Variants in ARPC1B observed in about 807,000 individuals in gnomAD.
ARPC1B encodes the protein actin related protein 2/3 complex subunit 1B, also known as actin-related protein 2/3 complex subunit 1B.
In ARPC1B, 29 loss-of-function variants were observed where a neutral mutation model predicts 46.0. The observed-to-expected ratio is 0.63, with a 90% CI of 0.47 to 0.86. The LOEUF (loss-of-function observed/expected upper bound fraction) is 0.86, where lower values mean the gene tolerates loss of function less well. Ranked by LOEUF, ARPC1B falls within the 40% of genes least tolerant of loss-of-function variation. ARPC1B has a pLI of 0.00. For missense variants in ARPC1B, 469 were observed against 529.4 expected, an observed-to-expected ratio of 0.89 and a Z score of 1.12; for synonymous variants, 201 against 213.9, an observed-to-expected ratio of 0.94 and a Z score of 0.53.
intron 1 of ARPC1B, among the ~76,000 whole-genome samples, chr7:99,384,565 C>T (rs1272079899): frequency 6.6e-6 from 1 of 152,226 alleles, no homozygotes; most frequent in Non-Finnish European, 1.5e-5. Context: ...AAAAATCTCC[C>T]TCCTTCAGTT....
chr7:99,387,803 G>A (rs950176891), intron 3 of ARPC1B, among the ~76,000 whole-genome samples: 2 of 150,878 alleles, frequency 1.3e-5, no homozygotes, highest in African/African-American at 4.9e-5. Flanking sequence ...AGGAGGCTGA[G>A]GCACGAGGAT....
At chr7:99,386,467 C>G (rs1794394161) in intron 2 of ARPC1B, 2 of 639,414 alleles carry the variant, frequency 3.1e-6, no homozygotes, top group African/African-American at 3.6e-5. Context: ...GGGGAGAGGT[C>G]CCAGGGTTCA....
chr7:99,380,998 A>G (rs1584400228), intron 1 of ARPC1B, among the ~76,000 whole-genome samples: 1 of 151,924 alleles, frequency 6.6e-6, no homozygotes. Flanking sequence ...AGCACCGTGA[A>G]TCAGTCACAG....
chr7:99,383,933 G>C (rs1387104985), intron 1 of ARPC1B: 3 of 152,300 alleles, frequency 2.0e-5, no homozygotes, highest in Non-Finnish European at 2.9e-5. Context: ...TCTCTGCTGG[G>C]AGGCAGGATT....
chr7:99,385,207 C>T (rs1340573660), intron 1 of ARPC1B, among the ~76,000 whole-genome samples: 3 of 150,146 alleles, frequency 2.0e-5, no homozygotes, highest in South Asian at 2.1e-4. Flanking sequence ...CCGCCTGCCT[C>T]GATCTCCCAA....
At chr7:99,387,420 C>T (rs946022803) in intron 3 of ARPC1B, among the ~76,000 whole-genome samples, 5 of 150,626 alleles carry the variant, frequency 3.3e-5, no homozygotes, top group African/African-American at 7.3e-5. Flanking sequence ...GATGGCAGAG[C>T]GAGACTGTGT....
intron 8 of ARPC1B, among the ~76,000 whole-genome samples, chr7:99,393,168 A>G (rs1343626716): frequency 1.3e-5 from 2 of 152,144 alleles, no homozygotes; most frequent in African/African-American, 4.8e-5. Context: ...GGCCCAGGGT[A>G]GGGAGTGGCT....
At chr7:99,383,259 C>T (rs909417793) in intron 1 of ARPC1B, among the ~76,000 whole-genome samples, 3 of 151,856 alleles carry the variant, frequency 2.0e-5, no homozygotes, top group Non-Finnish European at 1.5e-5. Flanking sequence ...CCTGGGAAGT[C>T]GAGGCTGCAG....
chr7:99,379,009 C>T (rs954224414), intron 1 of ARPC1B, among the ~76,000 whole-genome samples: 1 of 152,010 alleles, frequency 6.6e-6, no homozygotes, highest in Non-Finnish European at 1.5e-5. Flanking sequence ...GATCTCCTGA[C>T]CTCGTGATCC....
At chr7:99,390,568 C>T (rs570443044) in intron 5 of ARPC1B, among the ~76,000 whole-genome samples, 47 of 151,282 alleles carry the variant, frequency 3.1e-4, no homozygotes, top group Non-Finnish European at 4.7e-4. Context: ...AATGTAGAGA[C>T]GGGTTTTCAC....
At chr7:99,378,556 AC>A (rs1794100322) in intron 1 of ARPC1B, among the ~76,000 whole-genome samples, 2 of 150,586 alleles carry the variant, frequency 1.3e-5, no homozygotes, top group Non-Finnish European at 3.0e-5. Flanking sequence ...GGTGGTGGGC[AC>A]CTGTAGTTCC....
intron 1 of ARPC1B, chr7:99,376,596 C>T (rs146662113): frequency 0.033 from 4,995 of 152,368 alleles, 104 homozygotes; most frequent in South Asian, 0.047. Context: ...ACAGGCTGGG[C>T]GCGGTGGCTC....
chr7:99,380,266 T>A (rs1301754710), intron 1 of ARPC1B, among the ~76,000 whole-genome samples: 1 of 152,048 alleles, frequency 6.6e-6, no homozygotes, highest in Non-Finnish European at 1.5e-5. Flanking sequence ...CAGCATTGGC[T>A]GAGAGAAGCC....
chr7:99,386,654 G>A (rs1794398921), intron 2 of ARPC1B, 31 bp from the exon 3 acceptor site: 1 of 1,534,804 alleles, frequency 6.5e-7, no homozygotes, highest in Admixed American at 1.7e-5. Context: ...CATGGAGAGG[G>A]CCCCTCAATC....
chr7:99,380,326 G>C (rs903504273), intron 1 of ARPC1B, among the ~76,000 whole-genome samples: 15 of 151,132 alleles, frequency 9.9e-5, no homozygotes, highest in Non-Finnish European at 2.1e-4. Flanking sequence ...TGGGGGTTGG[G>C]GAGTTATCGC....
In ARPC1B at chr7:99,386,768, G is replaced by C. The variant is rs1474444328; in HGVS notation, c.148G>C (p.Glu50Gln). 1.2e-6 allele frequency: 2 copies of C among 1,613,980 alleles called. No homozygotes were observed. The highest frequency in any genetic ancestry group is 2.2e-5 in the East Asian group (1 of 44,872). Residue 50 changes from glutamate (E) to glutamine (Q), a missense_variant, in exon 3 of 10, where the codon GAG becomes CAG. Glu to Gln is a conservative substitution (Grantham distance 29, BLOSUM62 2). Transcript: ENST00000646101. ...AKWTKVHELKEHNGQVTGIDW... is the reference protein window; with the variant it reads ...AKWTKVHELKQHNGQVTGIDW... ...ATGGACCAAGGTGCACGAGCTCAAG[G>C]AGCACAACGGGCAGGTGACAGGTAT...
intron 1 of ARPC1B, among the ~76,000 whole-genome samples, chr7:99,382,842 C>CTTTTTTT: frequency 8.4e-6 from 1 of 119,246 alleles, no homozygotes; most frequent in Non-Finnish European, 1.7e-5. Flanking sequence ...CATTCCTAAC[C>CTTTTTTT]TTTTTTTTTT....
Position 99,394,674 on chromosome 7 carries a change from T to A in ARPC1B, c.*185T>A. The A allele has an allele frequency of 7.5e-7, 1 of 1,335,948 alleles. No individual in the cohort carries two copies. Among genetic ancestry groups the A allele is most frequent in the African/African-American group, 1.6e-5 (1 of 62,512 alleles). The allele number at this position is 1,335,948 out of a possible 1,614,324, so 82.8% of individuals were successfully genotyped here. A position where few individuals can be genotyped will look rare whatever the true frequency, so the allele number is the denominator to read the frequency against. ...TTACCTATTCAAGGAATACGTGCCT[T>A]TTTCTTAAATGCTTTCATTTATTGA... On this transcript the variant is annotated 3_prime_UTR_variant, in exon 10 of 10. Coordinates refer to ENST00000646101, the MANE Select transcript of ARPC1B (RefSeq NM_005720.4).
intron 7 of ARPC1B, among the ~76,000 whole-genome samples, chr7:99,391,824 G>C (rs915473705): frequency 5.9e-5 from 9 of 151,604 alleles, no homozygotes; most frequent in Admixed American, 1.3e-4. Flanking sequence ...GGCCAAGGAG[G>C]GCAGATCACC....
Sources: gnomAD v4.1 joint callset for allele counts (sites outside exome capture counted in the v4.1 genomes callset) on GRCh38, gnomAD v4.1.1 for gene constraint, MANE v1.5 for transcripts, NCBI Gene and HGNC (gene_info 2026-07-23, HGNC 2026-07-21) for gene names.